CD8A: variants seen among roughly 807,000 people sequenced by gnomAD.
CD8A encodes the protein CD8 subunit alpha.
A neutral mutation model predicts 24.2 loss-of-function variants in CD8A; 25 were observed. The observed-to-expected ratio is 1.03, with a 90% CI of 0.75 to 1.44. CD8A has a LOEUF of 1.44. Among genes scored for constraint, CD8A ranks in the 40% most tolerant of loss-of-function variants. CD8A has a pLI of 0.00. For missense variants in CD8A, 360 were observed against 319.7 expected, an observed-to-expected ratio of 1.13 and a Z score of -0.96; for synonymous variants, 165 against 149.9, an observed-to-expected ratio of 1.10 and a Z score of -0.74.
upstream of CD8A, among the ~76,000 whole-genome samples, chr2:86,792,919 TA>T (rs1558737097): frequency 6.6e-6 from 1 of 152,140 alleles, no homozygotes; most frequent in Non-Finnish European, 1.5e-5. Context: ...CAGAAATTTT[TA>T]AAAATGTCTT....
intron 3 of CD8A, among the ~76,000 whole-genome samples, chr2:86,799,453 T>TG (rs1673588147): frequency 1.3e-5 from 2 of 152,032 alleles, no homozygotes; most frequent in African/African-American, 4.8e-5. Flanking sequence ...GAGTCCCCAG[T>TG]ATCCAGGTAG....
chr2:86,803,575 G>A (rs778294018), intron 2 of CD8A, among the ~76,000 whole-genome samples: 161 of 152,272 alleles, frequency 1.1e-3, no homozygotes, highest in Non-Finnish European at 1.8e-3. Flanking sequence ...TTTCTTAGAC[G>A]GAGTCTCACT....
At chr2:86,804,647 A>C (rs907994173) in intron 2 of CD8A, among the ~76,000 whole-genome samples, 2 of 152,012 alleles carry the variant, frequency 1.3e-5, no homozygotes. Context: ...AGCTCTGTCA[A>C]CCAGGTTGAG....
chr2:86,807,726 CGGA>C (rs1673961603), exon 2 of CD8A: 1 of 152,086 alleles, frequency 6.6e-6, no homozygotes. Flanking sequence ...GGAGCAGGCG[CGGA>C]GGAGGGCTGG....
In CD8A at chr2:86,785,287, AG is replaced by A. The variant is rs1672950566; in HGVS notation, c.*632del. On this transcript the variant is annotated 3_prime_UTR_variant, in exon 6 of 6. Coordinates refer to ENST00000283635, the MANE Select transcript of CD8A (RefSeq NM_001768.7). ...TTTAGGCTTGATTATAAAAAAAAAAAGTCTGATATTGTTTACATTATAGAAC... is the reference window on the plus strand; with the variant it reads ...TTTAGGCTTGATTATAAAAAAAAAAATCTGATATTGTTTACATTATAGAAC... 1 of 452,170 alleles carries A rather than the reference AG, an allele frequency of 2.2e-6. No individual in the cohort carries two copies. Among genetic ancestry groups the A allele is most frequent in the South Asian group, 1.6e-5 (1 of 63,962 alleles). 28.0% of individuals were successfully genotyped at this position (452,170 alleles called of 1,614,324 possible).
At position 86,790,321 on chromosome 2, in the gene CD8A, C is replaced by T. The variant is rs1673222471; in HGVS notation, c.403+7G>A. Reference sequence around the variant, plus strand: ...CGCGGAGAGGTGCCGCAACCCGGCGCGCGGACCTGGCAGGAAGACCGGCAC... The same window carrying T: ...CGCGGAGAGGTGCCGCAACCCGGCGTGCGGACCTGGCAGGAAGACCGGCAC... On this transcript the variant is annotated splice_region_variant and intron_variant, in intron 2 of 5. Coordinates refer to ENST00000283635, the MANE Select transcript of CD8A (RefSeq NM_001768.7). 1.2e-6 allele frequency: 2 copies of T among 1,608,372 alleles called. No individual in the cohort carries two copies. Among genetic ancestry groups the T allele is most frequent in the Non-Finnish European group, 1.7e-6 (2 of 1,175,008 alleles).
chr2:86,798,422 G>A (rs1487106845), intron 3 of CD8A, among the ~76,000 whole-genome samples: 1 of 152,084 alleles, frequency 6.6e-6, no homozygotes, highest in Non-Finnish European at 1.5e-5. Flanking sequence ...TGATCCACCT[G>A]CCTCAGCCTC....
intron 3 of CD8A, among the ~76,000 whole-genome samples, chr2:86,797,905 T>A (rs771094440): frequency 1.1e-4 from 17 of 152,234 alleles, no homozygotes; most frequent in African/African-American, 1.9e-4. Flanking sequence ...GTAAGTTTTT[T>A]AATTTTTAAT....
At chr2:86,787,526 G>A (rs1472131183) in intron 5 of CD8A, among the ~76,000 whole-genome samples, 3 of 152,172 alleles carry the variant, frequency 2.0e-5, no homozygotes, top group African/African-American at 7.2e-5. Flanking sequence ...CTCCCGGGCA[G>A]TATGACCTTG....
intron 1 of CD8A, 43 bp from the exon 2 acceptor site, chr2:86,790,724 C>T (rs748395953): frequency 6.6e-7 from 1 of 1,510,798 alleles, no homozygotes; most frequent in Non-Finnish European, 8.9e-7. Flanking sequence ...AGTCCCGCGC[C>T]CCCCGCCCCC....
Position 86,785,526 on chromosome 2 carries a change from CT to C in CD8A, c.*393del, listed in dbSNP as rs1672961096. The C allele has an allele frequency of 2.1e-6, 1 of 469,942 alleles. No homozygotes were observed. Among genetic ancestry groups the C allele is most frequent in the African/African-American group, 2.0e-5 (1 of 50,692 alleles). The allele number at this position is 469,942 out of a possible 1,614,324, so 29.1% of individuals were successfully genotyped here. ...CCTCCAGCTACTGCTCCAACCCTGACTTGCTGTGTGCCTTTGATCAAGCTGT... is the reference window on the plus strand; with the variant it reads ...CCTCCAGCTACTGCTCCAACCCTGACTGCTGTGTGCCTTTGATCAAGCTGT... On this transcript the variant is annotated 3_prime_UTR_variant, in exon 6 of 6. Transcript: ENST00000283635.
At chr2:86,797,822 A>G (rs182972976) in intron 3 of CD8A, among the ~76,000 whole-genome samples, 14 of 152,294 alleles carry the variant, frequency 9.2e-5, no homozygotes, top group Admixed American at 2.0e-4. Flanking sequence ...GTACCCTCCC[A>G]AGTACCACCC....
Position 86,790,536 on chromosome 2 carries a change from G to C in CD8A, c.195C>G (p.Ala65=), listed in dbSNP as rs1673239350. The change falls in exon 2 of 6, where the codon GCC becomes GCG. Residue 65 remains alanine, a synonymous_variant. Coordinates refer to ENST00000283635, the MANE Select transcript of CD8A (RefSeq NM_001768.7). The part of the protein sequence containing the change: ...SWLFQPRGAA[A]SPTFLLYLSQ... ...AGAGGTATAGGAGGAAGGTGGGACT[G>C]GCGGCGGCGCCGCGCGGCTGGAAGA... 3.1e-6 allele frequency: 5 copies of C among 1,613,646 alleles called. No homozygotes were observed. Among genetic ancestry groups the C allele is most frequent in the Non-Finnish European group, 4.2e-6 (5 of 1,179,938 alleles).
intron 5 of CD8A, 125 bp downstream of exon 5, chr2:86,788,405 C>A: frequency 2.5e-6 from 2 of 791,196 alleles, no homozygotes. Flanking sequence ...GGCTGACTCC[C>A]TGCCCCAGGA....
Position 86,790,584 on chromosome 2 carries a change from G to T in CD8A, c.147C>A (p.Asn49Lys). The T allele has an allele frequency of 1.2e-6, 2 of 1,612,192 alleles. No individual in the cohort carries two copies. Among genetic ancestry groups the T allele is most frequent in the Non-Finnish European group, 1.7e-6 (2 of 1,179,854 alleles). The change falls in exon 2 of 6, where the codon AAC becomes AAA. Residue 49 changes from asparagine (N) to lysine (K), a missense_variant. Asn to Lys is a moderately conservative substitution (Grantham distance 94). Coordinates refer to ENST00000283635, the MANE Select transcript of CD8A (RefSeq NM_001768.7). ...AGAGCCACGAGCAGCCCGACGTCGGGTTGGACAGCAGCACCTGGCACTTCA... is the reference window on the plus strand; with the variant it reads ...AGAGCCACGAGCAGCCCGACGTCGGTTTGGACAGCAGCACCTGGCACTTCA... The part of the protein sequence containing the change: ...VELKCQVLLS[N>K]PTSGCSWLFQ...
chr2:86,790,922 C>T (rs1673278060), upstream of CD8A: 3 of 1,174,544 alleles, frequency 2.6e-6, no homozygotes, highest in East Asian at 2.5e-5. Flanking sequence ...TTGCGCCCTT[C>T]GGCCGGCCCG....
chr2:86,790,515 G>T lies in CD8A; in HGVS notation c.216C>A (p.Tyr72Ter), dbSNP rs1192515519. The change falls in exon 2 of 6, where the codon TAC (tyrosine) becomes TAA (stop). Residue 72 changes from tyrosine (Y) to a stop codon, truncating the protein, a stop_gained. Coordinates refer to ENST00000283635, the MANE Select transcript of CD8A (RefSeq NM_001768.7). LOFTEE classifies it high-confidence loss of function. ...GAAASPTFLL[Y>*]LSQNKPKAAE... The stretch of plus-strand genomic sequence containing the variant: ...CCGCCTTGGGCTTGTTTTGGGAGAG[G>T]TATAGGAGGAAGGTGGGACTGGCGG... The T allele has an allele frequency of 8.7e-6, 14 of 1,614,072 alleles. No individual in the cohort carries two copies. Among genetic ancestry groups the T allele is most frequent in the Non-Finnish European group, 1.2e-5 (14 of 1,180,016 alleles).
At position 86,787,079 on chromosome 2, in the gene CD8A, C is replaced by G. The variant is rs995108960; in HGVS notation, c.657-1108G>C. Among the ~76,000 whole-genome samples, 38 of 119,768 alleles carry G rather than the reference C, an allele frequency of 3.2e-4. 3 individuals are homozygous for G. The highest frequency in any genetic ancestry group is 4.7e-4 in the Admixed American group (5 of 10,716). 78.6% of individuals were successfully genotyped at this position (119,768 alleles called of 152,430 possible). On this transcript the variant is annotated intron_variant, in intron 5 of 5. Transcript: ENST00000283635. ...AAGAAAAGCTAAAAACTTCCCCCCC[C>G]ACTTTTTTTTTTTTTTTTTGTGAGA...
Position 86,790,900 on chromosome 2 carries a change from G to A in CD8A, c.-75C>T, listed in dbSNP as rs1380111951. ...GGCGCGCGGGAGCCGGTGGGGCGCC[G>A]AGGGGGGAAAGTTGCGCCCTTCGGC... On this transcript the variant is annotated 5_prime_UTR_variant, in exon 1 of 6. Coordinates refer to ENST00000283635, the MANE Select transcript of CD8A (RefSeq NM_001768.7). 2.1e-6 allele frequency: 3 copies of A among 1,407,826 alleles called. No homozygotes were observed. Among genetic ancestry groups the A allele is most frequent in the South Asian group, 1.2e-5 (1 of 81,512 alleles). The allele number at this position is 1,407,826 out of a possible 1,614,324, so 87.2% of individuals were successfully genotyped here. A position where few individuals can be genotyped will look rare whatever the true frequency, so the allele number is the denominator to read the frequency against.
Sources: gnomAD v4.1 joint callset for allele counts (sites outside exome capture counted in the v4.1 genomes callset) on GRCh38, gnomAD v4.1.1 for gene constraint, MANE v1.5 for transcripts, NCBI Gene and HGNC (gene_info 2026-07-23, HGNC 2026-07-21) for gene names.